The following ARHGAP10 variants were observed in gnomAD, a reference collection of about 807,000 sequenced individuals.
The protein encoded by ARHGAP10 is rho GTPase-activating protein 10.
A neutral mutation model predicts 108.6 loss-of-function variants in ARHGAP10; 87 were observed. The observed-to-expected ratio is 0.80, with a 90% confidence interval of 0.67 to 0.96. The LOEUF is 0.96. Among genes scored for constraint, ARHGAP10 ranks in the 40% least tolerant of loss-of-function variants. The probability of loss-of-function intolerance (pLI) is 0.00; values close to 1 mark genes in which losing one functional copy is unlikely to be tolerated. For missense variants in ARHGAP10, 939 were observed against 954.5 expected (o/e 0.98, Z 0.21); for synonymous variants, 347 against 341.1 (o/e 1.02, Z -0.19).
chr4:147,966,780 C>G lies in ARHGAP10; in HGVS notation c.1657C>G (p.Leu553Val). ...GCCACAGGAAGAAACTGTCGCTGCC[C>G]TCATGGACTTGAAGTTTCAGAATAT... ...MRPQEETVAALMDLKFQNIVV... is the reference protein window; with the variant it reads ...MRPQEETVAAVMDLKFQNIVV... The change falls in exon 18 of 23, where the codon CTC (leucine) becomes GTC (valine). Residue 553 changes from leucine (L) to valine (V), a missense_variant. Transcript: ENST00000336498. 1 of 1,603,204 alleles carries G rather than the reference C, an allele frequency of 6.2e-7. No homozygotes were observed. The highest frequency in any genetic ancestry group is 8.5e-7 in the Non-Finnish European group (1 of 1,172,590).
chr4:147,886,483 C>T (rs1176639436), intron 10 of ARHGAP10, among the ~76,000 whole-genome samples: 3 of 152,156 alleles, frequency 2.0e-5, no homozygotes, highest in Non-Finnish European at 4.4e-5. Context: ...CCTTAGATTC[C>T]CCAGTTAAGC....
chr4:147,766,205 G>A (rs185212360), intron 1 of ARHGAP10, among the ~76,000 whole-genome samples: 120 of 152,116 alleles, frequency 7.9e-4, no homozygotes, highest in African/African-American at 2.7e-3. Flanking sequence ...CAGGAGAATC[G>A]CTTGACCCTG....
intron 19 of ARHGAP10, among the ~76,000 whole-genome samples, chr4:148,036,024 C>T (rs1728361367): frequency 6.7e-6 from 1 of 150,134 alleles, no homozygotes; most frequent in Non-Finnish European, 1.5e-5. Context: ...TATTCCGTAA[C>T]CTATCTTTAC....
chr4:148,019,872 G>C (rs989145401), intron 18 of ARHGAP10, among the ~76,000 whole-genome samples: 1 of 152,214 alleles, frequency 6.6e-6, no homozygotes, highest in Non-Finnish European at 1.5e-5. Flanking sequence ...TCTGTGATTT[G>C]CTACCTGTGT....
At chr4:147,857,783 T>G in intron 5 of ARHGAP10, 129 bp downstream of exon 5, 1 of 798,028 alleles carries the variant, frequency 1.3e-6, no homozygotes, top group Non-Finnish European at 1.7e-6. Flanking sequence ...TGAACAGGTA[T>G]TGTCATAAAT....
intron 14 of ARHGAP10, among the ~76,000 whole-genome samples, chr4:147,940,556 A>G (rs1161152890): frequency 6.6e-6 from 1 of 152,134 alleles, no homozygotes; most frequent in East Asian, 1.9e-4. Context: ...CCACCCCAAA[A>G]CAGGCTGCCT....
chr4:147,969,345 T>TTTTTTTTTTTTTTTG (rs761497318), intron 18 of ARHGAP10, among the ~76,000 whole-genome samples: 1 of 129,158 alleles, frequency 7.7e-6, no homozygotes, highest in African/African-American at 3.3e-5. Flanking sequence ...TTTTTTTTTT[T>TTTTTTTTTTTTTTTG]GCCAGTGGTG....
intron 12 of ARHGAP10, among the ~76,000 whole-genome samples, chr4:147,910,898 C>T (rs1736701982): frequency 6.6e-6 from 1 of 152,052 alleles, no homozygotes; most frequent in Non-Finnish European, 1.5e-5. Flanking sequence ...GACAGGATGC[C>T]ACAAGCAGCA....
intron 16 of ARHGAP10, among the ~76,000 whole-genome samples, chr4:147,957,909 T>C (rs1738849743): frequency 1.3e-5 from 2 of 152,226 alleles, no homozygotes; most frequent in African/African-American, 2.4e-5. Context: ...GTTGACTGCA[T>C]TGGAAAAGTT....
At chr4:147,872,504 C>G (rs1352727321) in intron 7 of ARHGAP10, among the ~76,000 whole-genome samples, 1 of 152,108 alleles carries the variant, frequency 6.6e-6, no homozygotes, top group East Asian at 1.9e-4. Context: ...ATACAGTTGA[C>G]CCTTGAACTA....
chr4:147,833,542 C>A (rs1733038897), intron 3 of ARHGAP10, among the ~76,000 whole-genome samples: 1 of 152,104 alleles, frequency 6.6e-6, no homozygotes, highest in African/African-American at 2.4e-5. Context: ...GTGGGAAAAA[C>A]CAGATTTTGA....
chr4:147,811,221 G>A (rs1033492307), intron 1 of ARHGAP10, among the ~76,000 whole-genome samples: 1 of 152,212 alleles, frequency 6.6e-6, no homozygotes, highest in African/African-American at 2.4e-5. Context: ...TGGTAAGTGC[G>A]GGCCCCAGGC....
At chr4:147,788,718 C>A (rs1198352020) in intron 1 of ARHGAP10, among the ~76,000 whole-genome samples, 1 of 152,114 alleles carries the variant, frequency 6.6e-6, no homozygotes, top group East Asian at 1.9e-4. Context: ...CTTGATCTCT[C>A]TTGTTGGTAA....
chr4:147,972,577 T>C (rs1739451344), intron 18 of ARHGAP10, among the ~76,000 whole-genome samples: 1 of 151,978 alleles, frequency 6.6e-6, no homozygotes, highest in Non-Finnish European at 1.5e-5. Flanking sequence ...ATTTTCCTGT[T>C]AGGGGTAATA....
At chr4:147,969,316 T>C (rs1389588166) in intron 18 of ARHGAP10, among the ~76,000 whole-genome samples, 1 of 148,972 alleles carries the variant, frequency 6.7e-6, no homozygotes, top group Admixed American at 6.7e-5. Flanking sequence ...TGAGAAGTTT[T>C]GTTTTGCCTT....
chr4:147,778,545 G>T (rs2126726959), intron 1 of ARHGAP10, among the ~76,000 whole-genome samples: 1 of 152,210 alleles, frequency 6.6e-6, no homozygotes, highest in South Asian at 2.1e-4. Context: ...TTTCAGTTTT[G>T]TTAAAGCCCT....
intron 13 of ARHGAP10, among the ~76,000 whole-genome samples, chr4:147,927,872 C>G (rs534147942): frequency 6.6e-6 from 1 of 152,132 alleles, no homozygotes; most frequent in Non-Finnish European, 1.5e-5. Context: ...ATACTGGGAT[C>G]GGGAGACCTC....
At chr4:147,971,837 G>C (rs1215043330) in intron 18 of ARHGAP10, among the ~76,000 whole-genome samples, 3 of 152,198 alleles carry the variant, frequency 2.0e-5, no homozygotes, top group Non-Finnish European at 4.4e-5. Context: ...GCAGTAGGAA[G>C]TAGAGGAATG....
At chr4:147,778,054 C>T (rs1293513487) in intron 1 of ARHGAP10, among the ~76,000 whole-genome samples, 5 of 152,082 alleles carry the variant, frequency 3.3e-5, no homozygotes, top group Admixed American at 2.0e-4. Flanking sequence ...GTTGCTTATA[C>T]TTTAGGTGGA....
Sources: allele counts gnomAD v4.1 joint callset (sites outside exome capture counted in the v4.1 genomes callset), GRCh38; gene constraint gnomAD v4.1.1; transcripts MANE v1.5; gene names NCBI Gene and HGNC (gene_info 2026-07-23, HGNC 2026-07-21).